Variants in FOXJ3 observed in about 807,000 individuals in gnomAD.
FOXJ3 encodes the protein forkhead box J3.
FOXJ3 carries 22 observed loss-of-function variants against 76.1 expected under a neutral mutation model. The ratio of observed to expected loss-of-function variants is 0.29; its 90% confidence interval spans 0.21 to 0.41. FOXJ3 has a LOEUF of 0.41. Ranked by LOEUF, FOXJ3 falls within the 10% of genes least tolerant of loss-of-function variation. The probability of loss-of-function intolerance (pLI) is 1.00; values close to 1 mark genes in which losing one functional copy is unlikely to be tolerated. For missense variants in FOXJ3, 613 were observed against 762.1 expected (o/e 0.80, Z 2.30); for synonymous variants, 269 against 261.2 (o/e 1.03, Z -0.29).
At position 42,261,915 on chromosome 1, in the gene FOXJ3, T is replaced by C. The variant is rs543716846; in HGVS notation, c.444+3200A>G. 3.9e-5 allele frequency among the ~76,000 whole-genome samples: 6 copies of C among 152,196 alleles called. No homozygotes were observed. The South Asian group carries it at 1.2e-3, about 32-fold the overall frequency. ...TACCAAAACTTAACTAACATTTTGGTCTCCCTCTCAAGGAAGACTGATATC... is the reference window on the plus strand; with the variant it reads ...TACCAAAACTTAACTAACATTTTGGCCTCCCTCTCAAGGAAGACTGATATC... On this transcript the variant is annotated intron_variant, in intron 4 of 12. Transcript: ENST00000361346.
rs149098484 is a variant in FOXJ3, at chr1:42,267,869, C to T, written c.370-2680G>A. On this transcript the variant is annotated intron_variant, in intron 3 of 12. Transcript: ENST00000361346. ...CAGATGGGCTCATCATTAAACTAGACACAACTAGGGAAAGGCTCAGAGAAT... is the reference window on the plus strand; with the variant it reads ...CAGATGGGCTCATCATTAAACTAGATACAACTAGGGAAAGGCTCAGAGAAT... Among the ~76,000 whole-genome samples the T allele has an allele frequency of 1.1e-4, 16 of 152,040 alleles. 1 individual carries two copies. The highest frequency in any genetic ancestry group is 3.6e-4 in the African/African-American group (15 of 41,486).
intron 3 of FOXJ3, among the ~76,000 whole-genome samples, chr1:42,267,758 C>G (rs1261967392): frequency 6.6e-6 from 1 of 151,760 alleles, no homozygotes; most frequent in Non-Finnish European, 1.5e-5. Flanking sequence ...AGAATTTCAA[C>G]AGAAATGTGA....
intron 4 of FOXJ3, among the ~76,000 whole-genome samples, chr1:42,240,127 T>G (rs1362865995): frequency 1.3e-5 from 2 of 152,176 alleles, no homozygotes; most frequent in African/African-American, 4.8e-5. Flanking sequence ...AGGGAATACT[T>G]TGATATATAT....
intron 2 of FOXJ3, among the ~76,000 whole-genome samples, chr1:42,307,583 C>G (rs1654544800): frequency 6.6e-6 from 1 of 152,036 alleles, no homozygotes; most frequent in Non-Finnish European, 1.5e-5. Context: ...CCTAGAGAAC[C>G]CTGAATGATA....
chr1:42,180,622 C>T (rs1646299994), intron 12 of FOXJ3, among the ~76,000 whole-genome samples: 1 of 151,780 alleles, frequency 6.6e-6, no homozygotes, highest in African/African-American at 2.4e-5. Context: ...AAGTAGTCTG[C>T]TACTCATTTT....
At chr1:42,279,891 A>T (rs1433321715) in intron 2 of FOXJ3, among the ~76,000 whole-genome samples, 1 of 152,178 alleles carries the variant, frequency 6.6e-6, no homozygotes, top group Non-Finnish European at 1.5e-5. Flanking sequence ...TAGCCCCTTC[A>T]TTCCAAATGG....
At chr1:42,312,551 C>T (rs1654876363) in intron 1 of FOXJ3, among the ~76,000 whole-genome samples, 1 of 152,144 alleles carries the variant, frequency 6.6e-6, no homozygotes, top group Admixed American at 6.5e-5. Context: ...CTCGTAACCA[C>T]TGAAAATAAC....
chr1:42,205,914 T>A (rs906046002), intron 5 of FOXJ3, 51 bp from the exon 6 acceptor site: 1 of 1,038,840 alleles, frequency 9.6e-7, no homozygotes, highest in Non-Finnish European at 1.5e-6. Flanking sequence ...ATCCAGCAAC[T>A]TTAACACAGT....
At chr1:42,312,897 A>G (rs1232074750) in intron 1 of FOXJ3, among the ~76,000 whole-genome samples, 1 of 152,202 alleles carries the variant, frequency 6.6e-6, no homozygotes, top group Non-Finnish European at 1.5e-5. Flanking sequence ...TCAGTTCTTA[A>G]CCAAGAAAAC....
chr1:42,211,586 C>A (rs1373243827), intron 5 of FOXJ3, among the ~76,000 whole-genome samples: 1 of 151,994 alleles, frequency 6.6e-6, no homozygotes, highest in Non-Finnish European at 1.5e-5. Flanking sequence ...GTGGATACCT[C>A]CTATCAGCCT....
chr1:42,324,673 T>C (rs1196767009), intron 1 of FOXJ3, among the ~76,000 whole-genome samples: 2 of 152,142 alleles, frequency 1.3e-5, no homozygotes, highest in African/African-American at 4.8e-5. Context: ...TTGAATGGCA[T>C]GTTACTGCAC....
At chr1:42,248,443 A>C (rs1248896347) in intron 4 of FOXJ3, among the ~76,000 whole-genome samples, 1 of 151,686 alleles carries the variant, frequency 6.6e-6, no homozygotes, top group African/African-American at 2.4e-5. Flanking sequence ...CTGAGGCAGG[A>C]GAATGGCGTG....
At chr1:42,256,755 GA>G (rs1423893640) in intron 4 of FOXJ3, among the ~76,000 whole-genome samples, 2 of 152,182 alleles carry the variant, frequency 1.3e-5, no homozygotes, top group Non-Finnish European at 2.9e-5. Flanking sequence ...CATGTCCACA[GA>G]AAACTTGTTT....
chr1:42,268,276 G>A (rs1651620143), intron 3 of FOXJ3, among the ~76,000 whole-genome samples: 1 of 151,902 alleles, frequency 6.6e-6, no homozygotes, highest in Admixed American at 6.6e-5. Context: ...CAAAAACTAT[G>A]CAAGCCAGAA....
At chr1:42,288,136 A>C (rs1653179019) in intron 2 of FOXJ3, among the ~76,000 whole-genome samples, 3 of 152,330 alleles carry the variant, frequency 2.0e-5, no homozygotes, top group Admixed American at 1.3e-4. Flanking sequence ...TCTGTCATCA[A>C]GTAAATATTG....
At chr1:42,300,841 T>A (rs1427737738) in intron 2 of FOXJ3, among the ~76,000 whole-genome samples, 1 of 152,160 alleles carries the variant, frequency 6.6e-6, no homozygotes, top group Non-Finnish European at 1.5e-5. Flanking sequence ...AGGCCCCCAA[T>A]CTCTTCCAGC....
chr1:42,274,748 C>G (rs899460788), intron 3 of FOXJ3, among the ~76,000 whole-genome samples: 14 of 151,676 alleles, frequency 9.2e-5, no homozygotes, highest in African/African-American at 3.4e-4. Context: ...AACAAGATTT[C>G]TGAACAAAAA....
chr1:42,335,408 G>C (rs1050284344), upstream of FOXJ3: 2 of 152,282 alleles, frequency 1.3e-5, no homozygotes, highest in Admixed American at 1.3e-4. Context: ...GCTCTGCATC[G>C]GCGCAGCCGG....
chr1:42,261,391 T>TTGTGTG (rs148863138), intron 4 of FOXJ3, among the ~76,000 whole-genome samples: 1 of 151,786 alleles, frequency 6.6e-6, no homozygotes, highest in African/African-American at 2.4e-5. Flanking sequence ...GAATTTCATT[T>TTGTGTG]TGTGTGTGTG....
Sources: allele counts gnomAD v4.1 joint callset (sites outside exome capture counted in the v4.1 genomes callset), GRCh38; gene constraint gnomAD v4.1.1; transcripts MANE v1.5; gene names NCBI Gene and HGNC (gene_info 2026-07-23, HGNC 2026-07-21).